Variants in LTBP1 observed in about 807,000 individuals in gnomAD.
The protein encoded by LTBP1 is latent-transforming growth factor beta-binding protein 1.
Under a neutral mutation model 207.6 loss-of-function variants are expected in LTBP1, and 129 were observed. That is an observed-to-expected ratio of 0.62 (90% CI 0.54 to 0.72). The LOEUF is 0.72. LTBP1 is among the 30% of genes least tolerant of loss of function. The pLI, the probability that LTBP1 is intolerant of heterozygous loss-of-function variation, is 0.00. For synonymous variants in LTBP1, 963 were observed against 833.7 expected, an observed-to-expected ratio of 1.16 and a Z score of -2.67; for missense variants, 2,281 against 2,217.2, an observed-to-expected ratio of 1.03 and a Z score of -0.58.
chr2:33,220,612 C>T (rs1418860908), intron 8 of LTBP1, among the ~76,000 whole-genome samples: 1 of 152,248 alleles, frequency 6.6e-6, no homozygotes, highest in Non-Finnish European at 1.5e-5. Flanking sequence ...ATTGCCTGGT[C>T]TGGCTCTCTG....
At chr2:33,335,004 A>G (rs1014290109) in intron 24 of LTBP1, among the ~76,000 whole-genome samples, 1 of 151,590 alleles carries the variant, frequency 6.6e-6, no homozygotes, top group African/African-American at 2.4e-5. Context: ...GCTTGAGCCT[A>G]GGAAGTTGAG....
At chr2:33,103,586 C>CGTGTGGGTGTGT (rs2079877450) in intron 3 of LTBP1, among the ~76,000 whole-genome samples, 1 of 118,144 alleles carries the variant, frequency 8.5e-6, no homozygotes, top group Non-Finnish European at 1.9e-5. Flanking sequence ...TCTCCGTTTA[C>CGTGTGGGTGTGT]GTGTGTGTGT....
At chr2:33,110,022 A>G (rs960234427) in intron 3 of LTBP1, among the ~76,000 whole-genome samples, 1 of 152,108 alleles carries the variant, frequency 6.6e-6, no homozygotes, top group Non-Finnish European at 1.5e-5. Context: ...TTTCTTCGCT[A>G]TTTCCCCCCT....
intron 3 of LTBP1, among the ~76,000 whole-genome samples, chr2:33,101,643 T>C (rs1478973757): frequency 6.6e-6 from 1 of 152,228 alleles, no homozygotes; most frequent in Non-Finnish European, 1.5e-5. Flanking sequence ...CTAGGAGCCT[T>C]AATTACTCAA....
chr2:33,272,577 C>T (rs1437984985), intron 15 of LTBP1, among the ~76,000 whole-genome samples: 2 of 152,162 alleles, frequency 1.3e-5, no homozygotes, highest in Non-Finnish European at 2.9e-5. Context: ...TGGCTACATG[C>T]GTTATTTAGA....
intron 7 of LTBP1, among the ~76,000 whole-genome samples, chr2:33,196,669 A>G (rs538804363): frequency 6.6e-6 from 1 of 152,344 alleles, no homozygotes; most frequent in East Asian, 1.9e-4. Flanking sequence ...TGCTAAATAA[A>G]TGCTAACTAA....
intron 3 of LTBP1, among the ~76,000 whole-genome samples, chr2:33,107,037 G>A (rs979810797): frequency 1.3e-5 from 2 of 152,170 alleles, no homozygotes; most frequent in African/African-American, 2.4e-5. Flanking sequence ...TACTCTTTCA[G>A]AGTGACTCCT....
intron 4 of LTBP1, among the ~76,000 whole-genome samples, chr2:33,128,583 T>C (rs544450662): frequency 1.3e-5 from 2 of 152,298 alleles, no homozygotes; most frequent in East Asian, 3.9e-4. Flanking sequence ...TCTGAAAAAA[T>C]GTATCTTTTA....
intron 2 of LTBP1, among the ~76,000 whole-genome samples, chr2:32,954,061 A>G (rs1330989568): frequency 1.3e-5 from 2 of 152,120 alleles, no homozygotes; most frequent in African/African-American, 4.8e-5. Flanking sequence ...TGAGGCAGGG[A>G]TGCTTTATTA....
intron 5 of LTBP1, among the ~76,000 whole-genome samples, chr2:33,166,085 T>C (rs560996290): frequency 2.6e-5 from 4 of 151,662 alleles, no homozygotes; most frequent in Non-Finnish European, 4.4e-5. Context: ...TTTTTTTTCT[T>C]GTTTGGATCA....
intron 3 of LTBP1, among the ~76,000 whole-genome samples, 156 bp downstream of exon 3, chr2:33,021,362 T>C (rs769018818): frequency 6.6e-6 from 1 of 152,244 alleles, no homozygotes; most frequent in Non-Finnish European, 1.5e-5. Flanking sequence ...CGTTAGGCTT[T>C]ACACATGGAA....
intron 2 of LTBP1, among the ~76,000 whole-genome samples, chr2:32,998,168 C>T (rs144817169): frequency 1.1e-4 from 17 of 152,228 alleles, no homozygotes; most frequent in South Asian, 2.1e-4. Flanking sequence ...TCAGGCCTGG[C>T]GACCTCTGTT....
chr2:33,170,791 C>T (rs1327068614), intron 5 of LTBP1, among the ~76,000 whole-genome samples: 2 of 151,748 alleles, frequency 1.3e-5, no homozygotes, highest in Admixed American at 6.6e-5. Context: ...CTCACACGGC[C>T]GGGTACTCCT....
chr2:32,950,367 GGCA>G (rs1385791845), intron 2 of LTBP1, among the ~76,000 whole-genome samples: 1 of 152,000 alleles, frequency 6.6e-6, no homozygotes, highest in African/African-American at 2.4e-5. Context: ...GACCAGCCTG[GGCA>G]GCATGGCAAA....
intron 2 of LTBP1, among the ~76,000 whole-genome samples, chr2:32,950,449 C>T (rs1408607668): frequency 2.0e-5 from 3 of 151,352 alleles, no homozygotes; most frequent in Non-Finnish European, 4.4e-5. Context: ...ATCCCAGCTA[C>T]TGGGGAGGCT....
At chr2:33,190,336 T>C (rs759284618) in intron 7 of LTBP1, among the ~76,000 whole-genome samples, 3 of 150,566 alleles carry the variant, frequency 2.0e-5, no homozygotes, top group Non-Finnish European at 4.4e-5. Context: ...ATTAAAAATA[T>C]ATCGTGTGTG....
At chr2:33,205,570 T>A (rs1432568002) in intron 7 of LTBP1, among the ~76,000 whole-genome samples, 2 of 152,218 alleles carry the variant, frequency 1.3e-5, no homozygotes, top group Admixed American at 6.5e-5. Flanking sequence ...TACTGCCATG[T>A]TATCCAGAAT....
chr2:33,219,460 C>T (rs1477402961), intron 8 of LTBP1, among the ~76,000 whole-genome samples: 1 of 152,146 alleles, frequency 6.6e-6, no homozygotes, highest in East Asian at 1.9e-4. Context: ...GTTCGACTCC[C>T]AGCTCTTTCA....
intron 7 of LTBP1, among the ~76,000 whole-genome samples, chr2:33,191,521 A>G (rs1164442496): frequency 6.6e-6 from 1 of 152,200 alleles, no homozygotes; most frequent in Non-Finnish European, 1.5e-5. Flanking sequence ...GCTGGATGCT[A>G]AAGACTGCCC....
Sources: allele counts gnomAD v4.1 joint callset (sites outside exome capture counted in the v4.1 genomes callset), GRCh38; gene constraint gnomAD v4.1.1; transcripts MANE v1.5; gene names NCBI Gene and HGNC (gene_info 2026-07-23, HGNC 2026-07-21).